RIPOR2: variants seen among roughly 807,000 people sequenced by gnomAD.
RIPOR2 encodes the protein RHO family interacting cell polarization regulator 2.
A neutral mutation model predicts 114.5 loss-of-function variants in RIPOR2; 39 were observed. That is an observed-to-expected ratio of 0.34 (90% CI 0.26 to 0.44). The LOEUF (loss-of-function observed/expected upper bound fraction) is 0.44. Ranked by LOEUF, RIPOR2 falls within the 20% of genes least tolerant of loss-of-function variation. The pLI is 1.00. For synonymous variants in RIPOR2, 445 were observed against 484.4 expected (o/e 0.92, Z 1.07); for missense variants, 1,007 against 1,255.1 (o/e 0.80, Z 2.99).
intron 1 of RIPOR2, among the ~76,000 whole-genome samples, chr6:24,985,512 C>T (rs934314575): frequency 1.3e-5 from 2 of 152,112 alleles, no homozygotes; most frequent in African/African-American, 2.4e-5. Flanking sequence ...GGATTATAAA[C>T]CTGAGAATGG....
intron 1 of RIPOR2, among the ~76,000 whole-genome samples, chr6:25,002,277 A>G (rs1775357383): frequency 6.6e-6 from 1 of 152,230 alleles, no homozygotes; most frequent in South Asian, 2.1e-4. Flanking sequence ...TTTCTTACCA[A>G]ATACTATGGT....
intron 1 of RIPOR2, among the ~76,000 whole-genome samples, chr6:24,987,027 G>C (rs1774560424): frequency 6.6e-6 from 1 of 152,202 alleles, no homozygotes; most frequent in Non-Finnish European, 1.5e-5. Context: ...TGAAGGCTAT[G>C]GGCTGGGCAG....
intron 15 of RIPOR2, among the ~76,000 whole-genome samples, chr6:24,834,521 G>C (rs1229815125): frequency 2.0e-5 from 3 of 151,866 alleles, no homozygotes; most frequent in Admixed American, 6.6e-5. Flanking sequence ...CCAAAGTGCT[G>C]GGTTTGAAAA....
At chr6:24,868,739 A>G (rs1217465999) in intron 6 of RIPOR2, among the ~76,000 whole-genome samples, 2 of 152,214 alleles carry the variant, frequency 1.3e-5, no homozygotes, top group Non-Finnish European at 2.9e-5. Context: ...ACCAAGTGTT[A>G]TGTGGAACCA....
intron 1 of RIPOR2, among the ~76,000 whole-genome samples, chr6:24,970,649 G>C (rs1340945817): frequency 6.6e-6 from 1 of 152,174 alleles, no homozygotes; most frequent in African/African-American, 2.4e-5. Flanking sequence ...ATTAAGAGTA[G>C]GGAGAAGAGA....
chr6:24,818,639 A>C lies in RIPOR2; in HGVS notation c.2869-14T>G. 6.5e-7 allele frequency: 1 copy of C among 1,527,774 alleles called. No individual in the cohort carries two copies. The highest frequency in any genetic ancestry group is 8.9e-7 in the Non-Finnish European group (1 of 1,129,608). The allele number at this position is 1,527,774 out of a possible 1,614,324, so 94.6% of individuals were successfully genotyped here. ...ATAGAGCAAGGCCTGAAAGAGAAGGAGGGACCTCATGAAGGCATTTTGGTT... is the reference window on the plus strand; with the variant it reads ...ATAGAGCAAGGCCTGAAAGAGAAGGCGGGACCTCATGAAGGCATTTTGGTT... On this transcript the variant is annotated splice_polypyrimidine_tract_variant and intron_variant, in intron 19 of 21. Transcript: ENST00000643898.
At chr6:24,958,924 G>A (rs186838256) in intron 1 of RIPOR2, among the ~76,000 whole-genome samples, 1 of 149,196 alleles carries the variant, frequency 6.7e-6, no homozygotes, top group Non-Finnish European at 1.5e-5. Context: ...GTGTTCCTTG[G>A]TTTGTAGATG....
chr6:24,825,887 CCTAT>C (rs1242558496), intron 18 of RIPOR2, among the ~76,000 whole-genome samples: 1 of 151,612 alleles, frequency 6.6e-6, no homozygotes, highest in Admixed American at 6.6e-5. Flanking sequence ...GATGGAGCAA[CCTAT>C]CTATCTATTT....
intron 1 of RIPOR2, among the ~76,000 whole-genome samples, chr6:24,932,340 G>A (rs1231165682): frequency 6.7e-6 from 1 of 149,788 alleles, no homozygotes; most frequent in African/African-American, 2.5e-5. Context: ...GTGTGTGTGT[G>A]TGTATGAGAG....
At chr6:25,039,524 C>A (rs757555567) in intron 1 of RIPOR2, among the ~76,000 whole-genome samples, 12 of 152,210 alleles carry the variant, frequency 7.9e-5, no homozygotes, top group Non-Finnish European at 1.3e-4. Context: ...ATTAATATAT[C>A]ATTTCATATT....
chr6:24,879,445 T>C (rs1422859313), intron 1 of RIPOR2, among the ~76,000 whole-genome samples: 1 of 152,212 alleles, frequency 6.6e-6, no homozygotes, highest in Non-Finnish European at 1.5e-5. Flanking sequence ...TTTGCTTTTG[T>C]AGTCTTAGAA....
chr6:24,894,021 T>G (rs1017931968), intron 1 of RIPOR2, among the ~76,000 whole-genome samples: 2 of 152,156 alleles, frequency 1.3e-5, no homozygotes, highest in African/African-American at 4.8e-5. Flanking sequence ...AGAGGACTTC[T>G]CCACCATAGC....
intron 15 of RIPOR2, among the ~76,000 whole-genome samples, chr6:24,833,501 AAAAAAC>A (rs532471352): frequency 2.6e-5 from 4 of 151,820 alleles, no homozygotes; most frequent in Non-Finnish European, 5.9e-5. Context: ...ATTGTCTCAA[AAAAAAC>A]AAAAACAAAA....
At chr6:25,000,847 A>T (rs937307442) in intron 1 of RIPOR2, among the ~76,000 whole-genome samples, 5 of 134,764 alleles carry the variant, frequency 3.7e-5, no homozygotes, top group African/African-American at 1.3e-4. Flanking sequence ...GGCTATAAAC[A>T]TCCGTGGAGA....
chr6:24,847,813 A>C, intron 12 of RIPOR2: 1 of 1,170,764 alleles, frequency 8.5e-7, no homozygotes, highest in Non-Finnish European at 1.2e-6. Context: ...GCACTTCTTT[A>C]AAAGGCTGAT....
At chr6:24,940,384 T>C (rs1772060453), upstream of RIPOR2, among the ~76,000 whole-genome samples, 1 of 152,166 alleles carries the variant, frequency 6.6e-6, no homozygotes, top group Admixed American at 6.5e-5. Flanking sequence ...ATACTTAATT[T>C]TCAGATATAC....
chr6:24,956,739 G>C (rs1773059984), intron 1 of RIPOR2, among the ~76,000 whole-genome samples: 1 of 152,156 alleles, frequency 6.6e-6, no homozygotes. Context: ...CAATTTATAG[G>C]GAACGTCTTT....
At chr6:24,847,408 C>T in intron 12 of RIPOR2, 1 of 796,854 alleles carries the variant, frequency 1.3e-6, no homozygotes, top group Non-Finnish European at 1.9e-6. Context: ...ACCAAGTGTC[C>T]CGCCCCAAGG....
chr6:24,848,268 G>C (rs779436495), intron 11 of RIPOR2, 114 bp from the exon 12 acceptor site: 19 of 1,101,622 alleles, frequency 1.7e-5, no homozygotes, highest in Non-Finnish European at 2.4e-5. Context: ...CAGAGGTTCA[G>C]AACTGGGCTG....
Sources: gnomAD v4.1 joint callset for allele counts (sites outside exome capture counted in the v4.1 genomes callset) on GRCh38, gnomAD v4.1.1 for gene constraint, MANE v1.5 for transcripts, NCBI Gene and HGNC (gene_info 2026-07-23, HGNC 2026-07-21) for gene names.